SLC35F1: variants seen among roughly 807,000 people sequenced by gnomAD.
SLC35F1 encodes the protein chromosome 6 open reading frame 169.
In SLC35F1, 14 loss-of-function variants were observed where a neutral mutation model predicts 48.7. That is an observed-to-expected ratio of 0.29 (90% CI 0.19 to 0.45). The LOEUF (loss-of-function observed/expected upper bound fraction) is 0.45. Among genes scored for constraint, SLC35F1 ranks in the 20% least tolerant of loss-of-function variants. SLC35F1 has a pLI of 1.00. For synonymous variants in SLC35F1, 190 were observed against 202.2 expected, an observed-to-expected ratio of 0.94 and a Z score of 0.51; for missense variants, 404 against 500.0, an observed-to-expected ratio of 0.81 and a Z score of 1.83.
intron 2 of SLC35F1, among the ~76,000 whole-genome samples, chr6:118,197,223 C>T (rs1055778384): frequency 6.6e-6 from 1 of 151,808 alleles, no homozygotes; most frequent in Non-Finnish European, 1.5e-5. Flanking sequence ...TTCTTTACTT[C>T]CCCCCTTCCA....
intron 2 of SLC35F1, among the ~76,000 whole-genome samples, chr6:118,219,072 G>T (rs1228685935): frequency 3.9e-5 from 6 of 152,072 alleles, no homozygotes; most frequent in Admixed American, 2.6e-4. Context: ...GGACCTTTAG[G>T]TTTTGTCATT....
At chr6:118,071,495 A>G (rs977530457) in intron 1 of SLC35F1, among the ~76,000 whole-genome samples, 3 of 151,874 alleles carry the variant, frequency 2.0e-5, no homozygotes, top group African/African-American at 4.8e-5. Flanking sequence ...CTGCTGCACA[A>G]CTGCCATCTC....
intron 1 of SLC35F1, among the ~76,000 whole-genome samples, chr6:117,960,981 C>T (rs1415099993): frequency 3.9e-5 from 6 of 152,210 alleles, no homozygotes; most frequent in Non-Finnish European, 1.5e-5. Flanking sequence ...TTGTCTTTGA[C>T]TAGCTTGGTA....
At chr6:118,225,079 C>T (rs1052883649) in intron 2 of SLC35F1, among the ~76,000 whole-genome samples, 2 of 152,142 alleles carry the variant, frequency 1.3e-5, no homozygotes, top group Non-Finnish European at 2.9e-5. Flanking sequence ...AGAATTAACA[C>T]TGTTAAAATG....
chr6:118,184,707 G>A (rs1319194853), intron 2 of SLC35F1, among the ~76,000 whole-genome samples: 1 of 152,190 alleles, frequency 6.6e-6, no homozygotes, highest in East Asian at 1.9e-4. Flanking sequence ...ACTTTAGTGT[G>A]TGATGTCTGT....
chr6:118,011,767 G>A (rs908403019), intron 1 of SLC35F1, among the ~76,000 whole-genome samples: 5 of 152,256 alleles, frequency 3.3e-5, no homozygotes, highest in Admixed American at 2.0e-4. Flanking sequence ...TCATGGCTTG[G>A]GGATTGAGGA....
At chr6:118,104,840 T>G (rs965408298) in intron 1 of SLC35F1, among the ~76,000 whole-genome samples, 2 of 152,104 alleles carry the variant, frequency 1.3e-5, no homozygotes, top group Non-Finnish European at 2.9e-5. Flanking sequence ...AGTAACTCCC[T>G]CCCTCCAAGT....
At chr6:118,261,522 G>A (rs1775711978) in intron 3 of SLC35F1, among the ~76,000 whole-genome samples, 1 of 152,224 alleles carries the variant, frequency 6.6e-6, no homozygotes. Context: ...CAGAATGCAG[G>A]TCAGCAGGAT....
At position 118,272,767 on chromosome 6, in the gene SLC35F1, A is replaced by ATATATG. The variant is rs1554243255; in HGVS notation, c.638-2687_638-2686insGTATAT. ...TATATATACATATATATATATATGT[A>ATATATG]TATATATATACCATTTTTTAGCATA... On this transcript the variant is annotated intron_variant, in intron 4 of 7. Transcript: ENST00000360388. Among the ~76,000 whole-genome samples, 337 of 136,020 alleles carry ATATATG rather than the reference A, an allele frequency of 2.5e-3. 3 individuals are homozygous for ATATATG. Among genetic ancestry groups the ATATATG allele is most frequent in the African/African-American group, 9.1e-3 (311 of 34,290 alleles). 89.2% of individuals were successfully genotyped at this position (136,020 alleles called of 152,430 possible).
chr6:118,039,659 G>C (rs1007268350), intron 1 of SLC35F1, among the ~76,000 whole-genome samples: 1 of 151,168 alleles, frequency 6.6e-6, no homozygotes, highest in African/African-American at 2.4e-5. Flanking sequence ...TGCATGCATT[G>C]TATTTTTTTA....
At chr6:117,911,867 G>A (rs1439072120) in intron 1 of SLC35F1, among the ~76,000 whole-genome samples, 1 of 152,172 alleles carries the variant, frequency 6.6e-6, no homozygotes, top group Non-Finnish European at 1.5e-5. Flanking sequence ...TGCTGATCAG[G>A]TAGATTTCTT....
At chr6:118,154,878 G>A (rs1242192031) in intron 2 of SLC35F1, among the ~76,000 whole-genome samples, 3 of 152,066 alleles carry the variant, frequency 2.0e-5, no homozygotes, top group Non-Finnish European at 4.4e-5. Context: ...TTGAATCCCC[G>A]TTAACATTAC....
chr6:118,079,888 A>G (rs535888843), intron 1 of SLC35F1, among the ~76,000 whole-genome samples: 11 of 152,148 alleles, frequency 7.2e-5, no homozygotes, highest in Non-Finnish European at 1.0e-4. Context: ...AGGACTTTCT[A>G]TGTCTCCTTC....
At chr6:118,212,723 AAGGAAAGGAAGGAAGG>A (rs1452638387) in intron 2 of SLC35F1, among the ~76,000 whole-genome samples, 4 of 118,644 alleles carry the variant, frequency 3.4e-5, no homozygotes, top group African/African-American at 1.3e-4. Flanking sequence ...GGAAGGAAGG[AAGGAAAGGAAGGAAGG>A]AAGGAAGGAA....
At chr6:118,186,959 C>T (rs1261775832) in intron 2 of SLC35F1, among the ~76,000 whole-genome samples, 1 of 152,218 alleles carries the variant, frequency 6.6e-6, no homozygotes, top group Admixed American at 6.5e-5. Flanking sequence ...CCAGCCCTTC[C>T]AGAGATTCCT....
intron 2 of SLC35F1, among the ~76,000 whole-genome samples, chr6:118,173,995 A>ACAATGGTAAACTAAGT (rs1774449736): frequency 6.6e-6 from 1 of 152,214 alleles, no homozygotes; most frequent in African/African-American, 2.4e-5. Context: ...TTATTTGAAG[A>ACAATGGTAAACTAAGT]CAATGGTAAA....
At chr6:118,100,775 C>G (rs935967519) in intron 1 of SLC35F1, among the ~76,000 whole-genome samples, 2 of 152,064 alleles carry the variant, frequency 1.3e-5, no homozygotes, top group African/African-American at 2.4e-5. Context: ...ACTCTCCAGC[C>G]CCACTCTATT....
intron 3 of SLC35F1, among the ~76,000 whole-genome samples, chr6:118,255,528 G>T (rs1264924206): frequency 1.3e-5 from 2 of 152,182 alleles, no homozygotes; most frequent in African/African-American, 4.8e-5. Context: ...TTATCTGTAT[G>T]TTCCGGTCAC....
chr6:117,923,185 C>T (rs1775922489), intron 1 of SLC35F1, among the ~76,000 whole-genome samples: 1 of 152,140 alleles, frequency 6.6e-6, no homozygotes, highest in Non-Finnish European at 1.5e-5. Flanking sequence ...CAAAGTCCTT[C>T]TGACAAACCA....
Sources: allele counts gnomAD v4.1 joint callset (sites outside exome capture counted in the v4.1 genomes callset), GRCh38; gene constraint gnomAD v4.1.1; transcripts MANE v1.5; gene names NCBI Gene and HGNC (gene_info 2026-07-23, HGNC 2026-07-21).